CAMTA1: variants seen among roughly 807,000 people sequenced by gnomAD.
CAMTA1 encodes the protein calmodulin-binding transcription activator 1.
In CAMTA1, 27 loss-of-function variants were observed where a neutral mutation model predicts 170.9. The ratio of observed to expected loss-of-function variants is 0.16; its 90% CI spans 0.12 to 0.22. The LOEUF (loss-of-function observed/expected upper bound fraction) is 0.22, where lower values mean the gene tolerates loss of function less well. CAMTA1 is among the 10% of genes least tolerant of loss of function. The probability of loss-of-function intolerance (pLI) is 1.00; values close to 1 mark genes in which losing one functional copy is unlikely to be tolerated. For synonymous variants in CAMTA1, 833 were observed against 891.5 expected (o/e 0.93, Z 1.17); for missense variants, 1,619 against 2,217.2 (o/e 0.73, Z 5.42).
chr1:7,006,417 G>A (rs1699014418), intron 3 of CAMTA1, among the ~76,000 whole-genome samples: 1 of 152,168 alleles, frequency 6.6e-6, no homozygotes. Flanking sequence ...ATGGAATGGT[G>A]GGTGGCCAGA....
At chr1:6,913,776 G>T (rs1190441104) in intron 3 of CAMTA1, among the ~76,000 whole-genome samples, 1 of 152,024 alleles carries the variant, frequency 6.6e-6, no homozygotes. Context: ...GAGGCAGCGT[G>T]GATGTGGGTT....
At chr1:7,020,503 G>A (rs745962684) in intron 3 of CAMTA1, among the ~76,000 whole-genome samples, 7 of 152,180 alleles carry the variant, frequency 4.6e-5, no homozygotes, top group East Asian at 1.9e-4. Context: ...TGACAAGATC[G>A]CCTAATGACA....
chr1:7,138,588 A>C (rs937201247), intron 4 of CAMTA1, among the ~76,000 whole-genome samples: 1 of 152,176 alleles, frequency 6.6e-6, no homozygotes, highest in Non-Finnish European at 1.5e-5. Context: ...ACGTCTTTTG[A>C]TGATGTTGTG....
chr1:7,655,542 A>C (rs947138597), intron 7 of CAMTA1, among the ~76,000 whole-genome samples: 10 of 148,346 alleles, frequency 6.7e-5, no homozygotes, highest in Admixed American at 1.3e-4. Flanking sequence ...ATACACACTG[A>C]TATGCACACC....
At chr1:7,336,265 G>A (rs1273757412) in intron 5 of CAMTA1, among the ~76,000 whole-genome samples, 2 of 152,252 alleles carry the variant, frequency 1.3e-5, no homozygotes, top group Non-Finnish European at 2.9e-5. Context: ...GTGTGATGGA[G>A]AGCACGTGTG....
At chr1:7,276,303 A>ATATAATTTTTTTTTTTTTTTTT in intron 5 of CAMTA1, among the ~76,000 whole-genome samples, 2 of 24,228 alleles carry the variant, frequency 8.3e-5, no homozygotes, top group African/African-American at 5.9e-4. Context: ...ATATATATAT[A>ATATAATTTTTTTTTTTTTTTTT]TTTTTTTTTT....
chr1:7,040,057 A>C (rs1262934761), intron 3 of CAMTA1, among the ~76,000 whole-genome samples: 1 of 152,116 alleles, frequency 6.6e-6, no homozygotes, highest in East Asian at 1.9e-4. Flanking sequence ...ATCTTCTTTA[A>C]ATAAATGGAT....
intron 6 of CAMTA1, among the ~76,000 whole-genome samples, chr1:7,477,282 G>A (rs1180687514): frequency 6.6e-6 from 1 of 152,132 alleles, no homozygotes; most frequent in Non-Finnish European, 1.5e-5. Flanking sequence ...TTTTGGAAAA[G>A]AGAGTTGAGG....
intron 3 of CAMTA1, among the ~76,000 whole-genome samples, chr1:6,868,076 A>T (rs1343727648): frequency 1.3e-5 from 2 of 151,810 alleles, no homozygotes; most frequent in African/African-American, 4.8e-5. Context: ...AAGTGGTGGG[A>T]TTATAGGCGT....
At chr1:7,124,888 G>A (rs1175481866) in intron 4 of CAMTA1, among the ~76,000 whole-genome samples, 1 of 152,124 alleles carries the variant, frequency 6.6e-6, no homozygotes, top group Non-Finnish European at 1.5e-5. Context: ...CATTTTATTC[G>A]TGGAAGCCTA....
chr1:7,281,989 G>C (rs1438670678), intron 5 of CAMTA1, among the ~76,000 whole-genome samples: 1 of 152,146 alleles, frequency 6.6e-6, no homozygotes, highest in Non-Finnish European at 1.5e-5. Flanking sequence ...GTGTCATCCT[G>C]AAGAATGCAC....
At chr1:6,969,969 C>T (rs550831489) in intron 3 of CAMTA1, among the ~76,000 whole-genome samples, 1 of 152,246 alleles carries the variant, frequency 6.6e-6, no homozygotes, top group African/African-American at 2.4e-5. Context: ...TCATGTCACA[C>T]GTGCAAATTT....
At chr1:7,517,404 C>G (rs545843239) in intron 6 of CAMTA1, among the ~76,000 whole-genome samples, 1 of 152,160 alleles carries the variant, frequency 6.6e-6, no homozygotes, top group East Asian at 1.9e-4. Flanking sequence ...GTTCCCCAAC[C>G]TGTGAAATGG....
chr1:7,055,660 A>G (rs1707212802), intron 3 of CAMTA1, among the ~76,000 whole-genome samples: 1 of 152,156 alleles, frequency 6.6e-6, no homozygotes, highest in Admixed American at 6.5e-5. Flanking sequence ...GTGTCCTGTG[A>G]TACCTTCACC....
At chr1:7,157,204 G>A (rs1373924835) in intron 4 of CAMTA1, among the ~76,000 whole-genome samples, 1 of 151,680 alleles carries the variant, frequency 6.6e-6, no homozygotes, top group African/African-American at 2.4e-5. Context: ...AATTAGCCGG[G>A]CGTGGTGGCA....
intron 3 of CAMTA1, among the ~76,000 whole-genome samples, chr1:6,901,177 A>G (rs576366738): frequency 3.7e-4 from 57 of 152,374 alleles, no homozygotes; most frequent in Admixed American, 1.3e-3. Context: ...TAATGGAACA[A>G]CTGGACATTC....
intron 4 of CAMTA1, among the ~76,000 whole-genome samples, chr1:7,240,921 G>A (rs182039893): frequency 3.3e-4 from 51 of 152,246 alleles, no homozygotes; most frequent in Admixed American, 3.3e-4. Flanking sequence ...GATTCTCACC[G>A]CTTCTATTCA....
At position 6,995,462 on chromosome 1, in the gene CAMTA1, C is replaced by A. The variant is rs970542538; in HGVS notation, c.235-95842C>A. Among the ~76,000 whole-genome samples, 3 of 151,696 alleles carry A rather than the reference C, an allele frequency of 2.0e-5. No homozygotes were observed. The South Asian group carries it at 6.2e-4, about 32-fold the overall frequency. ...GAGACTACAGACCTGCGCCACCACG[C>A]CCAGCTAATTTTTGTATTTTTAGTA... On this transcript the variant is annotated intron_variant, in intron 3 of 22. Transcript: ENST00000303635.
intron 22 of CAMTA1, 86 bp downstream of exon 22, chr1:7,755,754 TAGG>T: frequency 9.2e-7 from 1 of 1,088,834 alleles, no homozygotes; most frequent in Non-Finnish European, 1.4e-6. Flanking sequence ...GGCTGCAGCC[TAGG>T]TATGCCAGTA....
Sources: gnomAD v4.1 joint callset for allele counts (sites outside exome capture counted in the v4.1 genomes callset) on GRCh38, gnomAD v4.1.1 for gene constraint, MANE v1.5 for transcripts, NCBI Gene and HGNC (gene_info 2026-07-23, HGNC 2026-07-21) for gene names.